EPB41L4A: variants seen among roughly 807,000 people sequenced by gnomAD.
EPB41L4A encodes the protein band 4.1-like protein 4A.
Under a neutral mutation model 108.6 loss-of-function variants are expected in EPB41L4A, and 100 were observed. The observed-to-expected ratio is 0.92, with a 90% CI of 0.78 to 1.09. The LOEUF (loss-of-function observed/expected upper bound fraction) is 1.09, where lower values mean the gene tolerates loss of function less well. EPB41L4A is among the 50% of genes least tolerant of loss of function. The pLI, the probability that EPB41L4A is intolerant of heterozygous loss-of-function variation, is 0.00. For synonymous variants in EPB41L4A, 319 were observed against 289.0 expected, an observed-to-expected ratio of 1.10 and a Z score of -1.05; for missense variants, 1,030 against 842.7, an observed-to-expected ratio of 1.22 and a Z score of -2.75.
chr5:112,392,233 T>G (rs916925863), intron 1 of EPB41L4A, among the ~76,000 whole-genome samples: 2 of 151,818 alleles, frequency 1.3e-5, no homozygotes, highest in Admixed American at 1.3e-4. Flanking sequence ...AATATTAACC[T>G]TAAATGTAAA....
chr5:112,342,976 G>T (rs1278533772), intron 1 of EPB41L4A, among the ~76,000 whole-genome samples: 1 of 152,134 alleles, frequency 6.6e-6, no homozygotes, highest in Non-Finnish European at 1.5e-5. Context: ...TTTCTATAAT[G>T]TACAACTGAC....
At chr5:112,401,112 T>C (rs900254763) in intron 1 of EPB41L4A, among the ~76,000 whole-genome samples, 1 of 152,200 alleles carries the variant, frequency 6.6e-6, no homozygotes, top group African/African-American at 2.4e-5. Context: ...ATAGGAAATT[T>C]CACTGATTTT....
chr5:112,301,134 A>T (rs759877671), intron 2 of EPB41L4A, among the ~76,000 whole-genome samples: 24 of 151,468 alleles, frequency 1.6e-4, no homozygotes, highest in Non-Finnish European at 3.2e-4. Context: ...CAATCTTCTA[A>T]ATGCTTTTTC....
At chr5:112,159,669 C>G (rs894302728), downstream of EPB41L4A, among the ~76,000 whole-genome samples, 1 of 152,202 alleles carries the variant, frequency 6.6e-6, no homozygotes, top group Admixed American at 6.5e-5. Flanking sequence ...CTTCACACAT[C>G]TGCTCGGAGT....
intron 2 of EPB41L4A, among the ~76,000 whole-genome samples, chr5:112,280,600 GC>G (rs1200381004): frequency 6.6e-6 from 1 of 152,068 alleles, no homozygotes; most frequent in Non-Finnish European, 1.5e-5. Context: ...GACCACCCTG[GC>G]CAATATGGCA....
chr5:112,281,260 T>C (rs771782478), intron 2 of EPB41L4A, among the ~76,000 whole-genome samples: 11 of 152,198 alleles, frequency 7.2e-5, no homozygotes, highest in Middle Eastern at 3.2e-3. Flanking sequence ...AAATTAACAG[T>C]TAATGAACAG....
At chr5:112,310,509 G>C (rs1012303811) in intron 1 of EPB41L4A, among the ~76,000 whole-genome samples, 1 of 152,184 alleles carries the variant, frequency 6.6e-6, no homozygotes, top group Non-Finnish European at 1.5e-5. Flanking sequence ...ATAATGGCTT[G>C]TGTATGGCCC....
At chr5:112,210,342 A>C (rs774447848) in intron 12 of EPB41L4A, among the ~76,000 whole-genome samples, 12 of 152,200 alleles carry the variant, frequency 7.9e-5, no homozygotes, top group Non-Finnish European at 1.6e-4. Flanking sequence ...GGTTTTGATG[A>C]CTACTTGTGA....
intron 12 of EPB41L4A, among the ~76,000 whole-genome samples, chr5:112,148,578 T>C (rs1759352062): frequency 6.6e-6 from 1 of 152,178 alleles, no homozygotes; most frequent in Admixed American, 6.5e-5. Context: ...CACTTTCTCA[T>C]GGTTCAAAAG....
chr5:112,346,106 T>C (rs1174537798), intron 1 of EPB41L4A, among the ~76,000 whole-genome samples: 1 of 151,970 alleles, frequency 6.6e-6, no homozygotes, highest in African/African-American at 2.4e-5. Flanking sequence ...TTTCCAAGAC[T>C]GCCATCGTTT....
chr5:112,346,169 T>C (rs1757650920), intron 1 of EPB41L4A, among the ~76,000 whole-genome samples: 2 of 147,864 alleles, frequency 1.4e-5, no homozygotes, highest in African/African-American at 4.9e-5. Flanking sequence ...TGTAATTCCA[T>C]GAAACACACC....
intron 12 of EPB41L4A, among the ~76,000 whole-genome samples, chr5:112,229,398 T>TTTTA (rs762531005): frequency 1.3e-5 from 2 of 152,198 alleles, no homozygotes; most frequent in East Asian, 1.9e-4. Context: ...TGTGGGGTAT[T>TTTTA]TTTATTTATT....
intron 12 of EPB41L4A, among the ~76,000 whole-genome samples, chr5:112,148,273 G>A (rs990425444): frequency 6.7e-6 from 1 of 149,750 alleles, no homozygotes; most frequent in Non-Finnish European, 1.5e-5. Flanking sequence ...ATATGTTTTA[G>A]AATTCATGTT....
chr5:112,264,855 C>T, intron 6 of EPB41L4A, 41 bp downstream of exon 6: 2 of 1,588,608 alleles, frequency 1.3e-6, no homozygotes, highest in African/African-American at 1.4e-5. Context: ...AAGATGATGA[C>T]TGATGGATGA....
At chr5:112,357,788 A>G (rs531805474) in intron 1 of EPB41L4A, among the ~76,000 whole-genome samples, 1 of 152,238 alleles carries the variant, frequency 6.6e-6, no homozygotes, top group Non-Finnish European at 1.5e-5. Flanking sequence ...ATAGGAACAG[A>G]GCATACAAGA....
At chr5:112,326,548 TGG>T (rs1756177054) in intron 1 of EPB41L4A, among the ~76,000 whole-genome samples, 2 of 152,242 alleles carry the variant, frequency 1.3e-5, no homozygotes, top group East Asian at 3.8e-4. Context: ...GTTCTACCAA[TGG>T]GCTTTTGTCT....
intron 1 of EPB41L4A, among the ~76,000 whole-genome samples, chr5:112,338,340 C>A (rs1757054837): frequency 1.3e-5 from 2 of 152,092 alleles, no homozygotes; most frequent in Admixed American, 1.3e-4. Context: ...GCCCTTTCTC[C>A]CTGTCTGCTG....
At chr5:112,178,541 C>A (rs1282043170) in intron 18 of EPB41L4A, among the ~76,000 whole-genome samples, 1 of 151,890 alleles carries the variant, frequency 6.6e-6, no homozygotes, top group South Asian at 2.1e-4. Flanking sequence ...GGCCTTAAAA[C>A]AAGTCTCAAT....
intron 1 of EPB41L4A, among the ~76,000 whole-genome samples, chr5:112,331,086 G>T (rs994212789): frequency 4.6e-5 from 7 of 152,182 alleles, no homozygotes; most frequent in Admixed American, 3.3e-4. Context: ...TCTGTGTCAA[G>T]CAAGCCTGAG....
Sources: gnomAD v4.1 joint callset for allele counts (sites outside exome capture counted in the v4.1 genomes callset) on GRCh38, gnomAD v4.1.1 for gene constraint, MANE v1.5 for transcripts, NCBI Gene and HGNC (gene_info 2026-07-23, HGNC 2026-07-21) for gene names.